Variants in CSMD1 observed in about 807,000 individuals in gnomAD.
CSMD1 encodes CUB and sushi domain-containing protein 1.
A neutral mutation model predicts 417.5 loss-of-function variants in CSMD1; 213 were observed. That is an observed-to-expected ratio of 0.51 (90% CI 0.46 to 0.57). The LOEUF is 0.57. CSMD1 is among the 20% of genes least tolerant of loss of function. The pLI is 0.00. For synonymous variants in CSMD1, 2,862 were observed against 1,736.8 expected (o/e 1.65, Z -16.11); for missense variants, 6,923 against 4,529.7 (o/e 1.53, Z -15.17).
At chr8:4,225,679 G>C (rs1008170067) in intron 3 of CSMD1, among the ~76,000 whole-genome samples, 7 of 152,066 alleles carry the variant, frequency 4.6e-5, no homozygotes, top group Admixed American at 2.0e-4. Context: ...TGATGCCTTA[G>C]GAAACTGTCT....
chr8:4,433,282 C>T (rs1252005913), intron 2 of CSMD1, among the ~76,000 whole-genome samples: 3 of 152,092 alleles, frequency 2.0e-5, no homozygotes, highest in African/African-American at 7.2e-5. Context: ...CCTCCCACAC[C>T]CTGGTCCGTA....
At chr8:3,654,118 T>C (rs1563238034) in intron 7 of CSMD1, among the ~76,000 whole-genome samples, 1 of 152,162 alleles carries the variant, frequency 6.6e-6, no homozygotes, top group Non-Finnish European at 1.5e-5. Context: ...CAGGAAACAG[T>C]GTAACCACCC....
chr8:4,067,581 T>C (rs1174504054), intron 3 of CSMD1, among the ~76,000 whole-genome samples: 5 of 152,172 alleles, frequency 3.3e-5, no homozygotes, highest in African/African-American at 9.7e-5. Flanking sequence ...AACAACAGCA[T>C]TTTTGTTTAT....
rs138691281 is a variant in CSMD1, at chr8:4,030,054, G to T, written c.610+1851C>A. Among the ~76,000 whole-genome samples the T allele has an allele frequency of 2.1e-3, 316 of 152,322 alleles. 1 individual carries two copies. The highest frequency in any genetic ancestry group is 3.4e-3 in the Non-Finnish European group (228 of 68,040). ...AACAGTCTTGGGCAGGTGTACCCCTGTGACTTTGAAGAATACAGCTTCCCT... is the reference window on the plus strand; with the variant it reads ...AACAGTCTTGGGCAGGTGTACCCCTTTGACTTTGAAGAATACAGCTTCCCT... On this transcript the variant is annotated intron_variant, in intron 4 of 69. Coordinates refer to ENST00000635120, the MANE Select transcript of CSMD1 (RefSeq NM_033225.6).
intron 10 of CSMD1, among the ~76,000 whole-genome samples, chr8:3,497,252 G>T (rs566510404): frequency 6.6e-6 from 1 of 152,114 alleles, no homozygotes; most frequent in Non-Finnish European, 1.5e-5. Context: ...GGATGTTCAA[G>T]TCCACATCTA....
At chr8:4,723,558 GAAAGT>G (rs1809203542) in intron 1 of CSMD1, among the ~76,000 whole-genome samples, 1 of 151,978 alleles carries the variant, frequency 6.6e-6, no homozygotes, top group Non-Finnish European at 1.5e-5. Context: ...TTATTTTGCT[GAAAGT>G]AAATACCAAA....
intron 8 of CSMD1, among the ~76,000 whole-genome samples, chr8:3,590,438 C>G (rs1229721174): frequency 5.3e-5 from 8 of 152,094 alleles, no homozygotes; most frequent in Non-Finnish European, 1.2e-4. Context: ...CAGATTTCCA[C>G]CAAAGGAAAG....
intron 57 of CSMD1, among the ~76,000 whole-genome samples, chr8:2,969,000 A>G (rs577973533): frequency 1.3e-5 from 2 of 152,246 alleles, no homozygotes; most frequent in East Asian, 3.9e-4. Flanking sequence ...TTCATTTTGC[A>G]TGCTACATGA....
At chr8:3,707,949 C>T (rs981707163) in intron 7 of CSMD1, among the ~76,000 whole-genome samples, 1 of 152,284 alleles carries the variant, frequency 6.6e-6, no homozygotes, top group Admixed American at 6.5e-5. Context: ...GTCTGCAGAT[C>T]TTGTTTTCTC....
At chr8:3,752,420 C>T (rs550306206) in intron 6 of CSMD1, among the ~76,000 whole-genome samples, 131 of 152,014 alleles carry the variant, frequency 8.6e-4, no homozygotes, top group Admixed American at 1.9e-3. Flanking sequence ...TTTGGGAGGC[C>T]GAGGCAGGCA....
chr8:4,576,148 G>C (rs190655526), intron 2 of CSMD1, among the ~76,000 whole-genome samples: 1 of 152,214 alleles, frequency 6.6e-6, no homozygotes. Flanking sequence ...ATTGCAGAAA[G>C]TATGCAGGAC....
At chr8:4,602,256 G>C (rs1258198815) in intron 2 of CSMD1, among the ~76,000 whole-genome samples, 1 of 151,996 alleles carries the variant, frequency 6.6e-6, no homozygotes, top group Non-Finnish European at 1.5e-5. Flanking sequence ...TTTTAGAAGA[G>C]AAAATCTCTT....
intron 3 of CSMD1, among the ~76,000 whole-genome samples, chr8:4,149,998 C>G (rs1796483606): frequency 6.6e-6 from 1 of 152,194 alleles, no homozygotes; most frequent in African/African-American, 2.4e-5. Flanking sequence ...GTCAGAGAGA[C>G]TGATGGATGC....
intron 52 of CSMD1, among the ~76,000 whole-genome samples, chr8:3,013,134 C>T (rs992570636): frequency 2.0e-5 from 3 of 152,206 alleles, no homozygotes; most frequent in South Asian, 2.1e-4. Flanking sequence ...TTCTTAGCAG[C>T]GTGAGAACAG....
rs550017044 is a variant in CSMD1 at position 3,482,114 on chromosome 8, G to T, written c.1448+11509C>A. Among the ~76,000 whole-genome samples, 3 of 152,184 alleles carry T rather than the reference G, an allele frequency of 2.0e-5. No individual in the cohort carries two copies. The East Asian group carries it at 5.8e-4, about 29-fold the overall frequency. ...AATAACCCTTAGGAAGGCAAGAAAA[G>T]CAGTAAAAGGGGAATGAGAACCAGA... On this transcript the variant is annotated intron_variant, in intron 11 of 69. Transcript: ENST00000635120.
chr8:3,122,463 T>C (rs1240654961), intron 41 of CSMD1, among the ~76,000 whole-genome samples: 4 of 152,198 alleles, frequency 2.6e-5, no homozygotes, highest in Non-Finnish European at 5.9e-5. Flanking sequence ...ACTCACAATT[T>C]TGTGAAAATG....
chr8:4,897,518 T>C (rs1279486686), intron 1 of CSMD1, among the ~76,000 whole-genome samples: 4 of 152,076 alleles, frequency 2.6e-5, no homozygotes, highest in African/African-American at 9.7e-5. Context: ...TCATATCCTA[T>C]TCGGTGACAA....
intron 5 of CSMD1, among the ~76,000 whole-genome samples, chr8:3,807,964 A>C (rs987786687): frequency 3.2e-4 from 49 of 152,200 alleles, no homozygotes; most frequent in African/African-American, 1.2e-3. Context: ...CTTGTCAAAC[A>C]AGACATGCAG....
At chr8:3,172,929 T>C (rs1197754104) in intron 37 of CSMD1, among the ~76,000 whole-genome samples, 1 of 152,202 alleles carries the variant, frequency 6.6e-6, no homozygotes, top group Non-Finnish European at 1.5e-5. Flanking sequence ...AGCTTGGAAG[T>C]ACGTGACGTT....
Sources: gnomAD v4.1 joint callset for allele counts (sites outside exome capture counted in the v4.1 genomes callset) on GRCh38, gnomAD v4.1.1 for gene constraint, MANE v1.5 for transcripts, NCBI Gene and HGNC (gene_info 2026-07-23, HGNC 2026-07-21) for gene names.